NAMPT: variants seen among roughly 807,000 people sequenced by gnomAD.
NAMPT encodes NAmPRTase.
A neutral mutation model predicts 58.7 loss-of-function variants in NAMPT; 7 were observed. The observed-to-expected ratio is 0.12, with a 90% confidence interval of 0.07 to 0.22. NAMPT has a LOEUF of 0.22. NAMPT is among the 10% of genes least tolerant of loss of function. The pLI is 1.00. For synonymous variants in NAMPT, 145 were observed against 198.1 expected (o/e 0.73, Z 2.25); for missense variants, 271 against 567.9 (o/e 0.48, Z 5.31).
At chr7:106,257,627 C>CA (rs71156310) in intron 8 of NAMPT, among the ~76,000 whole-genome samples, 42,760 of 139,330 alleles carry the variant, frequency 0.31, 7,161 homozygotes, top group South Asian at 0.48. Flanking sequence ...GAGTCCCTGT[C>CA]AAAAAAAAAA....
intron 5 of NAMPT, 52 bp from the exon 6 acceptor site, chr7:106,268,652 A>G (rs1384168340): frequency 2.9e-6 from 4 of 1,356,358 alleles, no homozygotes; most frequent in Non-Finnish European, 3.2e-6. Flanking sequence ...ACCCACATTA[A>G]TAATACCAGG....
chr7:106,255,279 G>T (rs752158834), intron 8 of NAMPT, among the ~76,000 whole-genome samples: 3 of 152,190 alleles, frequency 2.0e-5, no homozygotes, highest in Non-Finnish European at 4.4e-5. Flanking sequence ...CCTAGCATCT[G>T]CCTTAATATA....
rs760257307 is a variant in NAMPT, at chr7:106,284,794, G to T, written c.57+34C>A. On this transcript the variant is annotated intron_variant, in intron 1 of 10. Transcript: ENST00000222553. ...CGCGCGCTCGTCCCCAGCGCGCCCC[G>T]CTCCTCCTCATCTGCCCGGGCCCCG... The T allele has an allele frequency of 2.7e-6, 3 of 1,121,482 alleles. No homozygotes were observed. In the African/African-American group the frequency reaches 5.7e-5, roughly 21 times the overall value. The allele number at this position is 1,121,482 out of a possible 1,614,324, so 69.5% of individuals were successfully genotyped here.
At chr7:106,274,765 G>A (rs900613641) in intron 3 of NAMPT, among the ~76,000 whole-genome samples, 181 bp downstream of exon 3, 4 of 152,202 alleles carry the variant, frequency 2.6e-5, no homozygotes, top group South Asian at 4.1e-4. Context: ...TAAGGCAGGA[G>A]AATAGCTTGA....
chr7:106,252,377 A>C (rs1450432389), intron 10 of NAMPT, among the ~76,000 whole-genome samples: 1 of 152,128 alleles, frequency 6.6e-6, no homozygotes, highest in African/African-American at 2.4e-5. Flanking sequence ...TCAAAACCTT[A>C]ATAAATGTAA....
rs577411544 is a variant in NAMPT at position 106,257,258 on chromosome 7, T to C, written c.1090-2754A>G. ...AGTTTCACTAATGCCAAAGAGTATT[T>C]ATCTCAATATTCTTGTTTATGTAGT... On this transcript the variant is annotated intron_variant, in intron 8 of 10. Transcript: ENST00000222553. Among the ~76,000 whole-genome samples, 6 of 152,164 alleles carry C rather than the reference T, an allele frequency of 3.9e-5. No homozygotes were observed. The South Asian group carries it at 6.2e-4, about 16-fold the overall frequency.
At chr7:106,285,126 C>T, upstream of NAMPT, 1 of 1,309,016 alleles carries the variant, frequency 7.6e-7, no homozygotes, top group Non-Finnish European at 9.8e-7. Flanking sequence ...GGCGGACTCC[C>T]CACCTCGGTT....
intron 1 of NAMPT, among the ~76,000 whole-genome samples, chr7:106,281,243 CAT>C (rs1177564192): frequency 6.6e-6 from 1 of 151,692 alleles, no homozygotes; most frequent in Non-Finnish European, 1.5e-5. Context: ...AGATATGACA[CAT>C]ATATTTCAGT....
intron 2 of NAMPT, chr7:106,275,349 C>G: frequency 5.7e-6 from 1 of 176,646 alleles, no homozygotes; most frequent in South Asian, 1.5e-4. Context: ...AATTTTGGTA[C>G]TTTTCAACTT....
chr7:106,266,192 G>A (rs1792404519), intron 6 of NAMPT, among the ~76,000 whole-genome samples: 2 of 152,086 alleles, frequency 1.3e-5, no homozygotes, highest in South Asian at 4.2e-4. Flanking sequence ...ATTCTATTAA[G>A]AACATGTGAG....
chr7:106,269,528 G>A (rs115740001), intron 4 of NAMPT, among the ~76,000 whole-genome samples: 3,035 of 152,154 alleles, frequency 0.02, 95 homozygotes, highest in African/African-American at 0.07. Flanking sequence ...AGCACACCAG[G>A]TCCACATAGC....
Position 106,277,046 on chromosome 7 carries a change from T to C in NAMPT, c.191A>G (p.Tyr64Cys). The C allele has an allele frequency of 1.3e-6, 2 of 1,593,252 alleles. No individual in the cohort carries two copies. Among genetic ancestry groups the C allele is most frequent in the Non-Finnish European group, 1.7e-6 (2 of 1,161,056 alleles). ...ACCTTTTAAGTACTTATTAAGAATGTACTGCAACCCATAAAATACTGTTTC... is the reference window on the plus strand; with the variant it reads ...ACCTTTTAAGTACTTATTAAGAATGCACTGCAACCCATAAAATACTGTTTC... ...YEETVFYGLQYILNKYLKGKV... is the reference protein window; with the variant it reads ...YEETVFYGLQCILNKYLKGKV... The change falls in exon 2 of 11, where the codon TAC becomes TGC. Residue 64 changes from tyrosine (Y) to cysteine (C), a missense_variant. Coordinates refer to ENST00000222553, the MANE Select transcript of NAMPT (RefSeq NM_005746.3).
intron 8 of NAMPT, among the ~76,000 whole-genome samples, chr7:106,259,971 G>C (rs1792275314): frequency 6.7e-6 from 1 of 149,680 alleles, no homozygotes; most frequent in African/African-American, 2.5e-5. Flanking sequence ...CTGTCATCCA[G>C]GCTTTGTTGT....
intron 10 of NAMPT, among the ~76,000 whole-genome samples, chr7:106,251,893 G>C (rs1213992082): frequency 3.9e-5 from 6 of 152,058 alleles, no homozygotes; most frequent in Non-Finnish European, 8.8e-5. Flanking sequence ...GGAGTTACCT[G>C]CTTCTGGTTT....
At position 106,254,470 on chromosome 7, in the gene NAMPT, A is replaced by G. The variant is rs780006710; in HGVS notation, c.1124T>C (p.Ile375Thr). The change falls in exon 9 of 11, where the codon ATT becomes ACT. Residue 375 changes from isoleucine (I) to threonine (T), a missense_variant. Ile to Thr is a moderately conservative substitution (Grantham distance 89, BLOSUM62 -1). Transcript: ENST00000222553. ...ACCAGAACCGAAGGCAATATTTTCA[A>G]TACTCCACATTTTTTGTTTCATGCC... Reference protein sequence around the residue: ...VEGMKQKMWSIENIAFGSGGG... With the variant: ...VEGMKQKMWSTENIAFGSGGG... The G allele has an allele frequency of 1.2e-6, 2 of 1,613,874 alleles. No homozygotes were observed. The highest frequency in any genetic ancestry group is 1.7e-6 in the Non-Finnish European group (2 of 1,179,800).
chr7:106,275,174 T>G (rs1359170564), intron 2 of NAMPT, 125 bp from the exon 3 acceptor site: 3 of 551,238 alleles, frequency 5.4e-6, no homozygotes, highest in Non-Finnish European at 9.7e-6. Flanking sequence ...AACTAAGAGG[T>G]TAAATGCTCA....
intron 3 of NAMPT, 114 bp downstream of exon 3, chr7:106,274,832 G>A: frequency 1.5e-6 from 1 of 666,442 alleles, no homozygotes; most frequent in African/African-American, 1.8e-5. Context: ...TCCAGCCTGG[G>A]TGACAGAGTG....
At chr7:106,285,705 T>A, upstream of NAMPT, 1 of 428,130 alleles carries the variant, frequency 2.3e-6, no homozygotes, top group Non-Finnish European at 3.1e-6. Flanking sequence ...CCGGCGGCTC[T>A]GTCTATGGCT....
intron 1 of NAMPT, 35 bp from the exon 2 acceptor site, chr7:106,277,214 C>G: frequency 6.5e-7 from 1 of 1,530,374 alleles, no homozygotes; most frequent in South Asian, 1.1e-5. Context: ...TAGAAAACAC[C>G]GATGAGTAGA....
Sources: gnomAD v4.1 joint callset for allele counts (sites outside exome capture counted in the v4.1 genomes callset) on GRCh38, gnomAD v4.1.1 for gene constraint, MANE v1.5 for transcripts, NCBI Gene and HGNC (gene_info 2026-07-23, HGNC 2026-07-21) for gene names.